SLC25A40: variants seen among roughly 807,000 people sequenced by gnomAD.
SLC25A40 encodes solute carrier family 25 member 40.
SLC25A40 carries 41 observed loss-of-function variants against 46.5 expected under a neutral mutation model. The observed-to-expected ratio is 0.88, with a 90% CI of 0.69 to 1.14. The LOEUF (loss-of-function observed/expected upper bound fraction) is 1.14, where lower values mean the gene tolerates loss of function less well. Ranked by LOEUF, SLC25A40 falls within the 50% of genes most tolerant of loss-of-function variation. SLC25A40 has a pLI of 0.00. For synonymous variants in SLC25A40, 126 were observed against 127.5 expected (o/e 0.99, Z 0.08); for missense variants, 386 against 393.6 (o/e 0.98, Z 0.16).
At chr7:87,872,161 C>G (rs1265548545) in intron 1 of SLC25A40, among the ~76,000 whole-genome samples, 1 of 152,170 alleles carries the variant, frequency 6.6e-6, no homozygotes, top group Admixed American at 6.5e-5. Context: ...AATCTTCTTA[C>G]ATAATCTTCT....
At chr7:87,857,074 T>A (rs572006259) in intron 3 of SLC25A40, among the ~76,000 whole-genome samples, 1 of 152,302 alleles carries the variant, frequency 6.6e-6, no homozygotes, top group East Asian at 1.9e-4. Context: ...TTAAAAATCA[T>A]TAAAATGCTA....
Position 87,846,948 on chromosome 7 carries a change from C to A in SLC25A40, c.631+1G>T, listed in dbSNP as rs142638453. 1 of 1,594,324 alleles carries A rather than the reference C, an allele frequency of 6.3e-7. No individual in the cohort carries two copies. The highest frequency in any genetic ancestry group is 8.5e-7 in the Non-Finnish European group (1 of 1,172,118). The stretch of plus-strand genomic sequence containing the variant: ...GTAGCTACAAATAAGATAAATCCTA[C>A]CTGAGAAAGGTACATCTCTAAGAAC... On this transcript the variant is annotated splice_donor_variant, in intron 8 of 11. Transcript: ENST00000341119. LOFTEE classifies it high-confidence loss of function.
intron 7 of SLC25A40, among the ~76,000 whole-genome samples, chr7:87,847,559 A>G (rs1838440293): frequency 6.6e-6 from 1 of 152,140 alleles, no homozygotes; most frequent in Non-Finnish European, 1.5e-5. Context: ...TGAATCACGC[A>G]TGATCCCAGA....
intron 5 of SLC25A40, among the ~76,000 whole-genome samples, chr7:87,852,907 A>G (rs556346308): frequency 8.5e-5 from 13 of 152,344 alleles, no homozygotes; most frequent in African/African-American, 2.9e-4. Context: ...TTTTTATGAA[A>G]AAGTCTTCAG....
At position 87,835,398 on chromosome 7, in the gene SLC25A40, C is replaced by T. The variant is rs1422087618; in HGVS notation, c.*851G>A. 1 of 151,496 alleles carries T rather than the reference C, an allele frequency of 6.6e-6. No individual in the cohort carries two copies. Among genetic ancestry groups the T allele is most frequent in the African/African-American group, 2.4e-5 (1 of 41,332 alleles). The allele number at this position is 151,496 out of a possible 1,614,324, so 9.4% of individuals were successfully genotyped here. A position where few individuals can be genotyped will look rare whatever the true frequency, so the allele number is the denominator to read the frequency against. ...CACAATAAAAATGACCTAGAGAATT[C>T]CATGAACAATGATACTTGGATTACA... On this transcript the variant is annotated 3_prime_UTR_variant, in exon 12 of 12. Coordinates refer to ENST00000341119, the MANE Select transcript of SLC25A40 (RefSeq NM_018843.4).
intron 10 of SLC25A40, 53 bp from the exon 11 acceptor site, chr7:87,836,863 C>T: frequency 4.5e-6 from 5 of 1,105,772 alleles, no homozygotes; most frequent in Non-Finnish European, 6.3e-6. Context: ...TTTAATAATT[C>T]CTACTACAGA....
rs997550269 is a variant in SLC25A40 at position 87,853,784 on chromosome 7, T to C, written c.264+420A>G. 4.6e-5 allele frequency among the ~76,000 whole-genome samples: 7 copies of C among 152,258 alleles called. No individual in the cohort carries two copies. In the East Asian group the frequency reaches 1.3e-3, roughly 29 times the overall value. ...TAGTTGCCAGGGCTTAAGGAGTTGGTGAGAACACAACGGAAATGGGTGTGG... is the reference window on the plus strand; with the variant it reads ...TAGTTGCCAGGGCTTAAGGAGTTGGCGAGAACACAACGGAAATGGGTGTGG... On this transcript the variant is annotated intron_variant, in intron 5 of 11. Coordinates refer to ENST00000341119, the MANE Select transcript of SLC25A40 (RefSeq NM_018843.4).
At chr7:87,860,907 A>G (rs1838687138) in intron 1 of SLC25A40, among the ~76,000 whole-genome samples, 1 of 152,228 alleles carries the variant, frequency 6.6e-6, no homozygotes, top group Non-Finnish European at 1.5e-5. Context: ...GCCCAAACAC[A>G]GTGATTAATC....
intron 1 of SLC25A40, among the ~76,000 whole-genome samples, chr7:87,864,223 T>C (rs544576276): frequency 1.1e-4 from 17 of 152,222 alleles, no homozygotes; most frequent in Non-Finnish European, 2.4e-4. Context: ...AAAAATTTAA[T>C]TGATATGTAT....
intron 1 of SLC25A40, among the ~76,000 whole-genome samples, chr7:87,860,967 G>C (rs1838688201): frequency 6.6e-6 from 1 of 152,176 alleles, no homozygotes; most frequent in Admixed American, 6.5e-5. Context: ...CAAAATTAAA[G>C]GGCCAGCATC....
chr7:87,869,927 C>G (rs982236392), intron 1 of SLC25A40, among the ~76,000 whole-genome samples: 1 of 152,192 alleles, frequency 6.6e-6, no homozygotes, highest in Admixed American at 6.5e-5. Flanking sequence ...GCACTATATG[C>G]AAGTTCCAGT....
chr7:87,864,146 T>TGAGAG (rs928847116), intron 1 of SLC25A40, among the ~76,000 whole-genome samples: 9 of 152,376 alleles, frequency 5.9e-5, no homozygotes, highest in African/African-American at 2.2e-4. Context: ...TGTCCATTAC[T>TGAGAG]GAGAGTGTGT....
chr7:87,855,604 T>C (rs980221554), intron 4 of SLC25A40, among the ~76,000 whole-genome samples: 10 of 152,216 alleles, frequency 6.6e-5, no homozygotes, highest in African/African-American at 2.2e-4. Context: ...CTTTAATGTA[T>C]AGGAAATTAC....
chr7:87,856,505 C>T (rs1436007815), intron 3 of SLC25A40, 154 bp from the exon 4 acceptor site: 8 of 721,726 alleles, frequency 1.1e-5, no homozygotes, highest in Non-Finnish European at 1.7e-5. Flanking sequence ...ATGTAACATT[C>T]TAATTTTTTT....
intron 4 of SLC25A40, among the ~76,000 whole-genome samples, chr7:87,855,346 A>T (rs567991195): frequency 1.1e-4 from 16 of 152,240 alleles, no homozygotes; most frequent in African/African-American, 3.9e-4. Context: ...ATTTTTTTTT[A>T]AATGTCATTC....
intron 4 of SLC25A40, 36 bp from the exon 5 acceptor site, chr7:87,854,346 C>G: frequency 8.4e-7 from 1 of 1,197,498 alleles, no homozygotes; most frequent in Non-Finnish European, 1.2e-6. Context: ...ACAATTACCT[C>G]ACATAACTGT....
chr7:87,839,681 G>A (rs903439887), intron 10 of SLC25A40, among the ~76,000 whole-genome samples: 1 of 151,680 alleles, frequency 6.6e-6, no homozygotes, highest in Non-Finnish European at 1.5e-5. Context: ...CTCTCTTCCA[G>A]TAGATTATGA....
chr7:87,864,660 G>C (rs1838760733), intron 1 of SLC25A40, among the ~76,000 whole-genome samples: 1 of 152,174 alleles, frequency 6.6e-6, no homozygotes, highest in Non-Finnish European at 1.5e-5. Context: ...TCGCATAAAT[G>C]AAATACCTTT....
At chr7:87,853,889 G>C (rs1451079356) in intron 5 of SLC25A40, among the ~76,000 whole-genome samples, 1 of 152,140 alleles carries the variant, frequency 6.6e-6, no homozygotes, top group Non-Finnish European at 1.5e-5. Flanking sequence ...CAAAATCCTA[G>C]TGGTGACACT....
Sources: gnomAD v4.1 joint callset for allele counts (sites outside exome capture counted in the v4.1 genomes callset) on GRCh38, gnomAD v4.1.1 for gene constraint, MANE v1.5 for transcripts, NCBI Gene and HGNC (gene_info 2026-07-23, HGNC 2026-07-21) for gene names.